Variants in LPP observed in about 807,000 individuals in gnomAD.
The protein encoded by LPP is lipoma-preferred partner.
Under a neutral mutation model 60.4 loss-of-function variants are expected in LPP, and 38 were observed. The ratio of observed to expected loss-of-function variants is 0.63; its 90% CI spans 0.49 to 0.83. The LOEUF (loss-of-function observed/expected upper bound fraction) is 0.83, where lower values mean the gene tolerates loss of function less well. LPP is among the 40% of genes least tolerant of loss of function. LPP has a pLI of 0.00. For missense variants in LPP, 902 were observed against 783.6 expected, an observed-to-expected ratio of 1.15 and a Z score of -1.80; for synonymous variants, 328 against 290.8, an observed-to-expected ratio of 1.13 and a Z score of -1.30.
intron 7 of LPP, among the ~76,000 whole-genome samples, chr3:188,674,787 G>A (rs1857654871): frequency 6.6e-6 from 1 of 152,140 alleles, no homozygotes; most frequent in Admixed American, 6.6e-5. Context: ...TTTGAACCTA[G>A]GCATCTCTGA....
intron 9 of LPP, among the ~76,000 whole-genome samples, chr3:188,846,515 C>A (rs1761440658): frequency 6.6e-6 from 1 of 151,930 alleles, no homozygotes; most frequent in South Asian, 2.1e-4. Context: ...GAAACCCCGT[C>A]TCTACTAAAA....
At chr3:188,592,557 G>GTTTGTTTGTTTTTTTTTTTTTTTTTTT (rs1260656926) in intron 6 of LPP, among the ~76,000 whole-genome samples, 43 of 85,742 alleles carry the variant, frequency 5.0e-4, no homozygotes, top group South Asian at 3.4e-3. Context: ...TTTTGTTTTT[G>GTTTGTTTGTTTTTTTTTTTTTTTTTTT]TTTTTTAAAT....
chr3:188,336,952 C>G (rs1761821383), intron 2 of LPP, among the ~76,000 whole-genome samples: 2 of 152,168 alleles, frequency 1.3e-5, no homozygotes, highest in Admixed American at 6.5e-5. Flanking sequence ...TACCATTTCC[C>G]TGGGATGAAG....
chr3:188,600,815 G>GTTTTT (rs141954825), intron 6 of LPP, among the ~76,000 whole-genome samples: 6 of 151,304 alleles, frequency 4.0e-5, no homozygotes, highest in African/African-American at 1.5e-4. Flanking sequence ...TTTGTTTTTT[G>GTTTTT]TTTTTTGTTT....
At chr3:188,255,173 G>C (rs1233290673) in intron 2 of LPP, among the ~76,000 whole-genome samples, 3 of 152,156 alleles carry the variant, frequency 2.0e-5, no homozygotes, top group Non-Finnish European at 4.4e-5. Flanking sequence ...TCTTGGGAAA[G>C]GAGCAGAGAA....
chr3:188,285,150 T>C (rs948654432), intron 2 of LPP, among the ~76,000 whole-genome samples: 3 of 152,212 alleles, frequency 2.0e-5, no homozygotes, highest in Admixed American at 2.0e-4. Context: ...CTTTTTCCTC[T>C]GTAAATTAGA....
intron 3 of LPP, among the ~76,000 whole-genome samples, chr3:188,386,255 A>G (rs1207761241): frequency 9.1e-6 from 1 of 110,138 alleles, no homozygotes; most frequent in Non-Finnish European, 1.8e-5. Context: ...CTTAAGTCAT[A>G]GCATGCGCGC....
chr3:188,384,698 G>A (rs1244477283), intron 3 of LPP, among the ~76,000 whole-genome samples: 1 of 150,042 alleles, frequency 6.7e-6, no homozygotes, highest in African/African-American at 2.5e-5. Flanking sequence ...GCTGAGGCAG[G>A]AGAATCGCTT....
At chr3:188,672,526 G>T (rs975459203) in intron 7 of LPP, among the ~76,000 whole-genome samples, 1 of 152,154 alleles carries the variant, frequency 6.6e-6, no homozygotes, top group African/African-American at 2.4e-5. Context: ...TTCACTTACA[G>T]TGTGTGTACG....
intron 7 of LPP, among the ~76,000 whole-genome samples, chr3:188,705,804 A>G (rs574633302): frequency 1.1e-4 from 16 of 151,948 alleles, no homozygotes; most frequent in African/African-American, 3.9e-4. Context: ...TTTAGTAGAT[A>G]CGGGGTTTCA....
At chr3:188,247,961 C>T (rs759276854) in intron 2 of LPP, among the ~76,000 whole-genome samples, 2 of 152,144 alleles carry the variant, frequency 1.3e-5, no homozygotes, top group Admixed American at 6.6e-5. Flanking sequence ...TTCAGAGGAA[C>T]TTTATGCTAC....
intron 6 of LPP, among the ~76,000 whole-genome samples, chr3:188,549,831 A>G (rs1359933605): frequency 6.6e-6 from 1 of 152,220 alleles, no homozygotes; most frequent in Non-Finnish European, 1.5e-5. Flanking sequence ...GGATAAAACA[A>G]CAATAAATGT....
chr3:188,431,118 G>T (rs538059381), intron 4 of LPP, among the ~76,000 whole-genome samples: 2 of 152,092 alleles, frequency 1.3e-5, no homozygotes, highest in South Asian at 2.1e-4. Context: ...TGCGTGAAAT[G>T]GTTGTCATCT....
chr3:188,172,881 T>C (rs905995283), intron 1 of LPP, among the ~76,000 whole-genome samples: 2 of 152,250 alleles, frequency 1.3e-5, no homozygotes, highest in Admixed American at 6.5e-5. Flanking sequence ...ACTTATTTTT[T>C]TGAGACAAGG....
At chr3:188,545,399 G>GGTTCA (rs1356215729) in intron 6 of LPP, among the ~76,000 whole-genome samples, 4 of 151,890 alleles carry the variant, frequency 2.6e-5, no homozygotes, top group Non-Finnish European at 4.4e-5. Flanking sequence ...GATAAGTACT[G>GGTTCA]GTTCATATAA....
At chr3:188,812,400 G>A (rs759056158) in intron 9 of LPP, among the ~76,000 whole-genome samples, 3 of 152,132 alleles carry the variant, frequency 2.0e-5, no homozygotes, top group Non-Finnish European at 4.4e-5. Context: ...AATGGTAGCA[G>A]TGGTGGATTT....
rs139714039 is a variant in LPP at position 188,567,269 on chromosome 3, C to T, written c.430-41892C>T. Among the ~76,000 whole-genome samples the T allele has an allele frequency of 7.8e-3, 1,188 of 151,972 alleles. 18 individuals carry two copies. Among genetic ancestry groups the T allele is most frequent in the Middle Eastern group, 0.014 (4 of 294 alleles). ...TTGAACAAGTTCCTTAACCTCTCTG[C>T]GCCTCAACTTCCACATCATTAAAAT... On this transcript the variant is annotated intron_variant, in intron 6 of 11. Coordinates refer to ENST00000617246, the MANE Select transcript of LPP (RefSeq NM_001375462.1).
At chr3:188,859,449 T>C (rs1764652193) in intron 9 of LPP, among the ~76,000 whole-genome samples, 1 of 152,220 alleles carries the variant, frequency 6.6e-6, no homozygotes, top group Non-Finnish European at 1.5e-5. Context: ...GCCTCAATGA[T>C]AGCAATTTGT....
intron 4 of LPP, among the ~76,000 whole-genome samples, chr3:188,460,778 T>C (rs1798798615): frequency 6.6e-6 from 1 of 152,190 alleles, no homozygotes. Flanking sequence ...ATAAAGTTGA[T>C]ATGAATAAGT....
Sources: gnomAD v4.1 joint callset for allele counts (sites outside exome capture counted in the v4.1 genomes callset) on GRCh38, gnomAD v4.1.1 for gene constraint, MANE v1.5 for transcripts, NCBI Gene and HGNC (gene_info 2026-07-23, HGNC 2026-07-21) for gene names.